MAD1L1: variants seen among roughly 807,000 people sequenced by gnomAD.
The protein encoded by MAD1L1 is mitotic spindle assembly checkpoint protein MAD1.
MAD1L1 carries 95 observed loss-of-function variants against 96.9 expected under a neutral mutation model. The observed-to-expected ratio is 0.98, with a 90% CI of 0.83 to 1.16. The LOEUF (loss-of-function observed/expected upper bound fraction) is 1.16, where lower values mean the gene tolerates loss of function less well. Ranked by LOEUF, MAD1L1 falls within the 50% of genes most tolerant of loss-of-function variation. The pLI is 0.00. For synonymous variants in MAD1L1, 473 were observed against 396.6 expected, an observed-to-expected ratio of 1.19 and a Z score of -2.29; for missense variants, 1,007 against 954.4, an observed-to-expected ratio of 1.06 and a Z score of -0.73.
At chr7:1,948,523 G>A (rs1583886775) in intron 16 of MAD1L1, among the ~76,000 whole-genome samples, 1 of 152,218 alleles carries the variant, frequency 6.6e-6, no homozygotes, top group Non-Finnish European at 1.5e-5. Flanking sequence ...CACAGCTCCG[G>A]AGCTGGCCTT....
At chr7:2,220,941 C>T (rs760002438) in intron 5 of MAD1L1, 29 of 1,612,344 alleles carry the variant, frequency 1.8e-5, no homozygotes, top group Non-Finnish European at 2.3e-5. Context: ...CAGGGTCACC[C>T]GTGTTGTAGG....
chr7:1,876,323 C>G (rs1006001606), intron 18 of MAD1L1, among the ~76,000 whole-genome samples: 6 of 152,112 alleles, frequency 3.9e-5, no homozygotes, highest in African/African-American at 1.2e-4. Context: ...CCGAGCCCCC[C>G]GTCTGGTCCA....
intron 10 of MAD1L1, among the ~76,000 whole-genome samples, chr7:2,181,394 G>A (rs548068297): frequency 6.6e-6 from 1 of 152,282 alleles, no homozygotes; most frequent in Non-Finnish European, 1.5e-5. Flanking sequence ...CCACACGTTA[G>A]CCATGAGAAA....
intron 12 of MAD1L1, among the ~76,000 whole-genome samples, chr7:2,064,167 A>G (rs1784781527): frequency 6.6e-6 from 1 of 152,218 alleles, no homozygotes; most frequent in African/African-American, 2.4e-5. Flanking sequence ...GGGAGCACAC[A>G]GGAGCCCAGC....
At chr7:2,216,099 C>T in intron 8 of MAD1L1, 58 bp downstream of exon 8, 1 of 1,607,786 alleles carries the variant, frequency 6.2e-7, no homozygotes, top group Non-Finnish European at 8.5e-7. Context: ...CAGTGGGCTC[C>T]ATGTGCACAA....
intron 12 of MAD1L1, among the ~76,000 whole-genome samples, chr7:2,048,686 C>G (rs893215257): frequency 1.3e-5 from 2 of 152,244 alleles, no homozygotes; most frequent in South Asian, 2.1e-4. Context: ...TGAAGAACCT[C>G]CTCCAAGACG....
At chr7:2,204,694 C>G (rs1792499744) in intron 10 of MAD1L1, among the ~76,000 whole-genome samples, 1 of 152,272 alleles carries the variant, frequency 6.6e-6, no homozygotes, top group African/African-American at 2.4e-5. Context: ...CACCTGCTGA[C>G]AGGCACCTGA....
At chr7:1,948,019 G>A (rs115404670) in intron 16 of MAD1L1, among the ~76,000 whole-genome samples, 7 of 152,302 alleles carry the variant, frequency 4.6e-5, no homozygotes, top group East Asian at 1.9e-4. Flanking sequence ...GCCCGGGAGC[G>A]GTGGGAGGAT....
Position 2,149,139 on chromosome 7 carries a change from C to T in MAD1L1, c.1073+13G>A, listed in dbSNP as rs778276588. On this transcript the variant is annotated intron_variant, in intron 11 of 18. Transcript: ENST00000265854. Reference sequence around the variant, plus strand: ...AACGCATCCCCACAAGCACCCTGGGCGGCCAGGTCTACCTGCTGGTGACGG... The same window carrying T: ...AACGCATCCCCACAAGCACCCTGGGTGGCCAGGTCTACCTGCTGGTGACGG... 12 of 1,613,526 alleles carry T rather than the reference C, an allele frequency of 7.4e-6. No individual in the cohort carries two copies. The highest frequency in any genetic ancestry group is 2.2e-5 in the South Asian group (2 of 90,964).
chr7:2,189,901 G>A (rs1464340888), intron 10 of MAD1L1, among the ~76,000 whole-genome samples: 2 of 152,126 alleles, frequency 1.3e-5, no homozygotes, highest in African/African-American at 4.8e-5. Flanking sequence ...TCATGCTTCA[G>A]GAAAATCTAA....
At chr7:1,871,205 CACCGT>C in intron 18 of MAD1L1, among the ~76,000 whole-genome samples, 1 of 139,030 alleles carries the variant, frequency 7.2e-6, no homozygotes, top group South Asian at 2.4e-4. Flanking sequence ...ATGCTGAACC[CACCGT>C]AACACCTGCC....
intron 15 of MAD1L1, among the ~76,000 whole-genome samples, chr7:1,975,482 C>T (rs573405706): frequency 1.4e-4 from 21 of 152,322 alleles, no homozygotes; most frequent in Non-Finnish European, 2.5e-4. Context: ...GCGGCCTGGG[C>T]TGGGCACGGT....
intron 12 of MAD1L1, among the ~76,000 whole-genome samples, chr7:2,066,787 C>A (rs1021308842): frequency 1.6e-4 from 24 of 152,354 alleles, no homozygotes; most frequent in African/African-American, 4.8e-4. Context: ...AGCCCTGGCA[C>A]TAAGAGGGTG....
At chr7:2,185,797 C>T (rs1043375428) in intron 10 of MAD1L1, among the ~76,000 whole-genome samples, 11 of 152,346 alleles carry the variant, frequency 7.2e-5, no homozygotes, top group African/African-American at 2.4e-4. Context: ...GGCGAGAATG[C>T]GTCCTCTACC....
At chr7:1,947,129 C>G (rs1779265403) in intron 16 of MAD1L1, among the ~76,000 whole-genome samples, 2 of 152,230 alleles carry the variant, frequency 1.3e-5, no homozygotes, top group African/African-American at 2.4e-5. Context: ...AGACCCGGAG[C>G]AGAGGACAGG....
chr7:2,021,720 G>GCA (rs1782796577), intron 12 of MAD1L1, among the ~76,000 whole-genome samples: 1 of 151,968 alleles, frequency 6.6e-6, no homozygotes, highest in Admixed American at 6.5e-5. Context: ...AGCCAAGATC[G>GCA]CACCACTGCA....
At chr7:2,208,818 AG>A (rs1792732657) in intron 10 of MAD1L1, among the ~76,000 whole-genome samples, 1 of 151,988 alleles carries the variant, frequency 6.6e-6, no homozygotes. Flanking sequence ...CGTACCTCAA[AG>A]GGTGTGTGCT....
chr7:1,887,864 T>TATGTGGCCTGTGC (rs1786208791), intron 18 of MAD1L1, among the ~76,000 whole-genome samples: 1 of 25,978 alleles, frequency 3.8e-5, no homozygotes, highest in Non-Finnish European at 6.6e-5. Context: ...TGTGTGCACG[T>TATGTGGCCTGTGC]GTGTGTGCAA....
chr7:2,170,895 C>T (rs139791998), intron 10 of MAD1L1, among the ~76,000 whole-genome samples: 1 of 152,106 alleles, frequency 6.6e-6, no homozygotes, highest in Non-Finnish European at 1.5e-5. Context: ...GGATGGGAAC[C>T]GGAGGAGCCC....
Sources: allele counts gnomAD v4.1 joint callset (sites outside exome capture counted in the v4.1 genomes callset), GRCh38; gene constraint gnomAD v4.1.1; transcripts MANE v1.5; gene names NCBI Gene and HGNC (gene_info 2026-07-23, HGNC 2026-07-21).